Variants in INTS12 observed in about 807,000 individuals in gnomAD.
The protein encoded by INTS12 is integrator complex subunit 12, also known as PHD finger protein 22.
A neutral mutation model predicts 41.6 loss-of-function variants in INTS12; 13 were observed. The observed-to-expected ratio is 0.31, with a 90% CI of 0.20 to 0.50. The LOEUF (loss-of-function observed/expected upper bound fraction) is 0.50, where lower values mean the gene tolerates loss of function less well. Among genes scored for constraint, INTS12 ranks in the 20% least tolerant of loss-of-function variants. INTS12 has a pLI of 0.98. For missense variants in INTS12, 432 were observed against 541.6 expected (o/e 0.80, Z 2.01); for synonymous variants, 199 against 191.4 (o/e 1.04, Z -0.33).
intron 7 of INTS12, among the ~76,000 whole-genome samples, 157 bp from the exon 8 acceptor site, chr4:105,683,474 C>T (rs1178910795): frequency 1.3e-5 from 2 of 152,062 alleles, no homozygotes; most frequent in Admixed American, 6.6e-5. Flanking sequence ...TTATCTGTAT[C>T]TAGTGGGTAT....
At chr4:105,707,065 A>T (rs75818640) in intron 1 of INTS12, among the ~76,000 whole-genome samples, 3,274 of 152,256 alleles carry the variant, frequency 0.022, 126 homozygotes, top group African/African-American at 0.075. Flanking sequence ...CTGGCACAAA[A>T]ATTATCATTC....
chr4:105,692,399 G>A (rs757563184), intron 5 of INTS12, among the ~76,000 whole-genome samples: 7 of 148,274 alleles, frequency 4.7e-5, no homozygotes, highest in Admixed American at 1.4e-4. Context: ...CAGGAGAATC[G>A]CTTGAACCCA....
At chr4:105,692,483 CAAAAAAA>C (rs571586438) in intron 5 of INTS12, among the ~76,000 whole-genome samples, 2 of 49,214 alleles carry the variant, frequency 4.1e-5, no homozygotes, top group South Asian at 7.6e-4. Flanking sequence ...GACTCTGTCT[CAAAAAAA>C]AAAAAAAAAA....
intron 3 of INTS12, 27 bp downstream of exon 3, chr4:105,699,823 C>G (rs780484939): frequency 6.9e-7 from 1 of 1,459,214 alleles, no homozygotes; most frequent in Non-Finnish European, 9.2e-7. Context: ...ACAAAACTCT[C>G]TCCAAGCTTT....
intron 2 of INTS12, among the ~76,000 whole-genome samples, chr4:105,701,841 A>G (rs984542837): frequency 6.6e-6 from 1 of 152,192 alleles, no homozygotes; most frequent in Admixed American, 6.5e-5. Context: ...TATGCTGAAA[A>G]ATGAAAGCCA....
At chr4:105,706,776 T>A (rs1732279523) in intron 1 of INTS12, among the ~76,000 whole-genome samples, 1 of 152,184 alleles carries the variant, frequency 6.6e-6, no homozygotes, top group Non-Finnish European at 1.5e-5. Context: ...TAATCAGAAT[T>A]CCTGTGGATT....
chr4:105,695,715 A>T, intron 3 of INTS12, 47 bp from the exon 4 acceptor site: 1 of 1,429,484 alleles, frequency 7.0e-7, no homozygotes, highest in Non-Finnish European at 9.6e-7. Flanking sequence ...TAGACTGATC[A>T]TCATAAAAAA....
chr4:105,682,675 C>G lies in INTS12; in HGVS notation c.*58G>C. ...AATTACAGTGTATTACAGATTATAT[C>G]ATAATAATAAGCCTTTCATCTTTAG... On this transcript the variant is annotated 3_prime_UTR_variant, in exon 8 of 8. Coordinates refer to ENST00000340139, the MANE Select transcript of INTS12 (RefSeq NM_020395.4). The G allele has an allele frequency of 7.9e-7, 1 of 1,266,016 alleles. No homozygotes were observed. Among genetic ancestry groups the G allele is most frequent in the Non-Finnish European group, 1.1e-6 (1 of 885,462 alleles). The allele number at this position is 1,266,016 out of a possible 1,614,324, so 78.4% of individuals were successfully genotyped here. A position where few individuals can be genotyped will look rare whatever the true frequency, so the allele number is the denominator to read the frequency against.
In INTS12 at chr4:105,682,832, T is replaced by A. The variant is rs771383244; in HGVS notation, c.1290A>T (p.Ala430=). Reference sequence around the variant, plus strand: ...CTTGTGAAGTTGGGCCTTTAAGGGATGCTGAGGGAGAGCTGCTGGATTCTG... The same window carrying A: ...CTTGTGAAGTTGGGCCTTTAAGGGAAGCTGAGGGAGAGCTGCTGGATTCTG... The part of the protein sequence containing the change: ...TTSESSSSPS[A]SLKGPTSQES... Residue 430 remains alanine, a synonymous_variant, in exon 8 of 8, where the codon GCA becomes GCT. Transcript: ENST00000340139. 1.2e-6 allele frequency: 2 copies of A among 1,614,154 alleles called. No homozygotes were observed. The highest frequency in any genetic ancestry group is 2.2e-5 in the South Asian group (2 of 91,088).
intron 7 of INTS12, among the ~76,000 whole-genome samples, chr4:105,685,148 T>C (rs563899053): frequency 6.6e-6 from 1 of 152,258 alleles, no homozygotes; most frequent in South Asian, 2.1e-4. Flanking sequence ...ACATTTGCTT[T>C]TTATATGTGA....
At chr4:105,694,068 C>T (rs1352569831) in intron 4 of INTS12, among the ~76,000 whole-genome samples, 1 of 152,070 alleles carries the variant, frequency 6.6e-6, no homozygotes, top group East Asian at 1.9e-4. Flanking sequence ...ATTAACATGA[C>T]ATATGTATAA....
In INTS12 at chr4:105,703,824, G is replaced by A. The variant is rs1027099247; in HGVS notation, c.-171-15C>T. 3.9e-5 allele frequency: 6 copies of A among 152,152 alleles called. No individual in the cohort carries two copies. Among genetic ancestry groups the A allele is most frequent in the African/African-American group, 1.2e-4 (5 of 41,420 alleles). 9.4% of individuals were successfully genotyped at this position (152,152 alleles called of 1,614,324 possible). A position where few individuals can be genotyped will look rare whatever the true frequency, so the allele number is the denominator to read the frequency against. ...GATGGCCTCACCTACTTCACAAAGA[G>A]AGGCTGTCAGAGAGGAATTAAGTCG... is the stretch of plus-strand genomic sequence containing the variant. On this transcript the variant is annotated splice_polypyrimidine_tract_variant and intron_variant, in intron 1 of 7. Coordinates refer to ENST00000340139, the MANE Select transcript of INTS12 (RefSeq NM_020395.4).
In INTS12 at chr4:105,686,846, A is replaced by G; in HGVS notation, c.658-8T>C. The G allele has an allele frequency of 6.2e-7, 1 of 1,612,786 alleles. No individual in the cohort carries two copies. Among genetic ancestry groups the G allele is most frequent in the Middle Eastern group, 1.7e-4 (1 of 6,058 alleles). On this transcript the variant is annotated splice_polypyrimidine_tract_variant and splice_region_variant and intron_variant, in intron 6 of 7. Transcript: ENST00000340139. ...TTTCTGAGTTTTTTGAGCCTGCAAAAATCAGTGGATTAAATCAGATACAAA... is the reference window on the plus strand; with the variant it reads ...TTTCTGAGTTTTTTGAGCCTGCAAAGATCAGTGGATTAAATCAGATACAAA...
intron 3 of INTS12, among the ~76,000 whole-genome samples, chr4:105,699,230 C>T (rs1279578802): frequency 6.6e-6 from 1 of 152,146 alleles, no homozygotes; most frequent in Non-Finnish European, 1.5e-5. Flanking sequence ...TAATTATTCA[C>T]ATAAACTACT....
chr4:105,700,615 C>A (rs1451728428), intron 2 of INTS12, among the ~76,000 whole-genome samples: 5 of 148,634 alleles, frequency 3.4e-5, no homozygotes, highest in South Asian at 2.1e-4. Context: ...TTAATGATAA[C>A]CTTATTTGAT....
At chr4:105,685,780 T>C (rs185225709) in intron 7 of INTS12, among the ~76,000 whole-genome samples, 18 of 152,210 alleles carry the variant, frequency 1.2e-4, no homozygotes, top group Middle Eastern at 3.4e-3. Context: ...TTTTCCATGA[T>C]ATAAAAAGGC....
Position 105,683,083 on chromosome 4 carries a change from T to C in INTS12, c.1039A>G (p.Lys347Glu). Reference protein sequence around the residue: ...ATSSKGGIGSKIGSNNSTTPT... With the variant: ...ATSSKGGIGSEIGSNNSTTPT... Reference sequence around the variant, plus strand: ...GTAGTGCTGTTATTGGAACCTATTTTGGAACCTATTCCACCTTTGGATGAT... The same window carrying C: ...GTAGTGCTGTTATTGGAACCTATTTCGGAACCTATTCCACCTTTGGATGAT... The change falls in exon 8 of 8, where the codon AAA (lysine) becomes GAA (glutamate). Residue 347 changes from lysine (K) to glutamate (E), a missense_variant. Around this residue, in one of 3 missense-constraint regions of INTS12, gnomAD observed 258 missense variants for 309.9 expected, o/e 0.83. Coordinates refer to ENST00000340139, the MANE Select transcript of INTS12 (RefSeq NM_020395.4). 2 of 1,614,138 alleles carry C rather than the reference T, an allele frequency of 1.2e-6. No homozygotes were observed. Among genetic ancestry groups the C allele is most frequent in the Non-Finnish European group, 1.7e-6 (2 of 1,179,962 alleles).
chr4:105,692,471 A>G, intron 5 of INTS12, among the ~76,000 whole-genome samples: 1 of 146,656 alleles, frequency 6.8e-6, no homozygotes, highest in Non-Finnish European at 1.5e-5. Flanking sequence ...GTGACAGAGT[A>G]AGACTCTGTC....
rs146532670 is a variant in INTS12 at position 105,689,280 on chromosome 4, T to A, written c.658-2442A>T. ...GCAGAACTTGCCCCAGTTTGAGGAA[T>A]CTGTTTGAGGAGAAAGGGGATATCA... On this transcript the variant is annotated intron_variant, in intron 6 of 7. Coordinates refer to ENST00000340139, the MANE Select transcript of INTS12 (RefSeq NM_020395.4). 1.3e-3 allele frequency among the ~76,000 whole-genome samples: 199 copies of A among 152,344 alleles called. 2 individuals carry two copies. Among genetic ancestry groups the A allele is most frequent in the East Asian group, 5.2e-3 (27 of 5,176 alleles).
Sources: gnomAD v4.1 joint callset for allele counts (sites outside exome capture counted in the v4.1 genomes callset) on GRCh38, gnomAD v4.1.1 for gene constraint, gnomAD v4.1.1 regional missense constraint, MANE v1.5 for transcripts, NCBI Gene and HGNC (gene_info 2026-07-23, HGNC 2026-07-21) for gene names.